The following MYO3A variants were observed in gnomAD, a reference collection of about 807,000 sequenced individuals.
MYO3A encodes the protein myosin-IIIa.
A neutral mutation model predicts 192.7 loss-of-function variants in MYO3A; 180 were observed. The observed-to-expected ratio is 0.93, with a 90% CI of 0.83 to 1.06. The LOEUF is 1.06. Among genes scored for constraint, MYO3A ranks in the 50% least tolerant of loss-of-function variants. The pLI, the probability that MYO3A is intolerant of heterozygous loss-of-function variation, is 0.00. For missense variants in MYO3A, 1,896 were observed against 1,905.0 expected, an observed-to-expected ratio of 1.00 and a Z score of 0.09; for synonymous variants, 628 against 645.3, an observed-to-expected ratio of 0.97 and a Z score of 0.41.
intron 15 of MYO3A, among the ~76,000 whole-genome samples, chr10:26,094,799 G>A (rs1364609431): frequency 1.3e-5 from 2 of 152,158 alleles, no homozygotes; most frequent in Non-Finnish European, 2.9e-5. Context: ...TATACAGGGG[G>A]AGAAGACCCT....
intron 4 of MYO3A, among the ~76,000 whole-genome samples, chr10:25,976,921 G>A (rs1013421297): frequency 2.6e-5 from 4 of 151,848 alleles, no homozygotes; most frequent in South Asian, 2.1e-4. Flanking sequence ...TTTATTATCT[G>A]TTGCCTAATT....
intron 10 of MYO3A, among the ~76,000 whole-genome samples, chr10:26,053,468 C>T (rs1407626250): frequency 6.6e-6 from 1 of 151,878 alleles, no homozygotes; most frequent in African/African-American, 2.4e-5. Context: ...ATTGGAAGAC[C>T]CAGACAATAC....
At chr10:26,210,794 G>A (rs1040553461) in intron 34 of MYO3A, among the ~76,000 whole-genome samples, 1 of 151,944 alleles carries the variant, frequency 6.6e-6, no homozygotes, top group African/African-American at 2.4e-5. Context: ...TCTCCTTGCT[G>A]TTCCTTGAAC....
At chr10:26,131,331 C>A (rs1414407670) in intron 20 of MYO3A, among the ~76,000 whole-genome samples, 1 of 131,300 alleles carries the variant, frequency 7.6e-6, no homozygotes, top group Non-Finnish European at 1.7e-5. Flanking sequence ...AAAAAAAGAT[C>A]AAGAAACTAC....
intron 10 of MYO3A, among the ~76,000 whole-genome samples, chr10:26,064,509 G>A (rs939598187): frequency 2.0e-5 from 3 of 151,994 alleles, no homozygotes; most frequent in East Asian, 3.9e-4. Flanking sequence ...GAGTAATAAT[G>A]GTAAGATCAG....
chr10:26,118,807 T>C (rs1838675944), intron 17 of MYO3A, among the ~76,000 whole-genome samples: 1 of 151,958 alleles, frequency 6.6e-6, no homozygotes, highest in Non-Finnish European at 1.5e-5. Flanking sequence ...AATTTTTGTA[T>C]TTTTAGTAGA....
At chr10:26,162,485 C>T (rs997465060) in intron 26 of MYO3A, among the ~76,000 whole-genome samples, 1 of 152,148 alleles carries the variant, frequency 6.6e-6, no homozygotes, top group African/African-American at 2.4e-5. Context: ...TTCCAGTTAA[C>T]ATTTCTTGGA....
intron 6 of MYO3A, among the ~76,000 whole-genome samples, chr10:25,998,696 T>G (rs7905635): frequency 0.022 from 3,369 of 152,156 alleles, 153 homozygotes; most frequent in African/African-American, 0.077. Context: ...TCCCTTCCTC[T>G]AAAAAATAGA....
chr10:26,006,486 A>G (rs1841216098), intron 6 of MYO3A, among the ~76,000 whole-genome samples: 3 of 152,220 alleles, frequency 2.0e-5, no homozygotes, highest in Admixed American at 1.3e-4. Flanking sequence ...ACTGCTAGCA[A>G]GACTAATAAA....
At chr10:26,081,001 G>A (rs1419883154) in intron 14 of MYO3A, among the ~76,000 whole-genome samples, 1 of 152,084 alleles carries the variant, frequency 6.6e-6, no homozygotes, top group African/African-American at 2.4e-5. Context: ...AGCTTTGGTG[G>A]TTTAATGCTC....
intron 2 of MYO3A, among the ~76,000 whole-genome samples, chr10:25,942,293 C>T (rs771660637): frequency 7.2e-5 from 11 of 152,172 alleles, no homozygotes; most frequent in Non-Finnish European, 1.3e-4. Context: ...TGAACCACCG[C>T]GTCCAGCCAA....
chr10:26,110,892 A>T (rs1426062510), intron 17 of MYO3A, among the ~76,000 whole-genome samples: 4 of 140,612 alleles, frequency 2.8e-5, no homozygotes, highest in African/African-American at 2.7e-5. Context: ...TTTTTAAGAG[A>T]TGGGATCTCT....
At chr10:26,153,726 C>T in intron 23 of MYO3A, 124 bp from the exon 24 acceptor site, 3 of 637,566 alleles carry the variant, frequency 4.7e-6, no homozygotes, top group Admixed American at 2.9e-5. Context: ...AATAGTTAAC[C>T]AAGCATATGA....
At chr10:26,078,608 A>C (rs1445591350) in intron 14 of MYO3A, among the ~76,000 whole-genome samples, 1 of 151,732 alleles carries the variant, frequency 6.6e-6, no homozygotes, top group African/African-American at 2.4e-5. Context: ...TTAGAATGTC[A>C]GTTTGTGTTC....
At chr10:26,082,941 T>C (rs184596263) in intron 14 of MYO3A, among the ~76,000 whole-genome samples, 28 of 152,352 alleles carry the variant, frequency 1.8e-4, no homozygotes, top group Admixed American at 1.6e-3. Flanking sequence ...GTACTGATCA[T>C]GCACTGTGAC....
At chr10:25,985,943 T>G (rs1839625714) in intron 4 of MYO3A, among the ~76,000 whole-genome samples, 1 of 152,128 alleles carries the variant, frequency 6.6e-6, no homozygotes, top group Non-Finnish European at 1.5e-5. Flanking sequence ...TGCACATAGA[T>G]GCAAAAATCC....
Position 26,170,499 on chromosome 10 carries a change from G to A in MYO3A, c.3358G>A (p.Asp1120Asn). 6.2e-7 allele frequency: 1 copy of A among 1,613,038 alleles called. No individual in the cohort carries two copies. Among genetic ancestry groups the A allele is most frequent in the Admixed American group, 1.7e-5 (1 of 59,988 alleles). ...NTAVTTIQTS[D>N]QEFDYKKNFE... ...AGCAGTAACAACCATTCAAACTTCTGATCAGGAATTCGACTACAAGAAAAA... is the reference window on the plus strand; with the variant it reads ...AGCAGTAACAACCATTCAAACTTCTAATCAGGAATTCGACTACAAGAAAAA... Residue 1120 changes from aspartate (D) to asparagine (N), a missense_variant, in exon 29 of 35, where the codon GAT becomes AAT. By Grantham distance (23) the Asp-to-Asn change is conservative. Transcript: ENST00000642920.
chr10:26,057,723 G>T (rs780857516), intron 10 of MYO3A, among the ~76,000 whole-genome samples: 5 of 152,190 alleles, frequency 3.3e-5, no homozygotes, highest in Non-Finnish European at 7.3e-5. Context: ...GAAGTCAATG[G>T]CTAATTGGAT....
At chr10:26,078,430 T>C (rs1029299654) in intron 14 of MYO3A, among the ~76,000 whole-genome samples, 7 of 152,070 alleles carry the variant, frequency 4.6e-5, no homozygotes, top group Non-Finnish European at 1.5e-5. Flanking sequence ...CTATCAATTT[T>C]ATTTATCTTT....
Sources: gnomAD v4.1 joint callset for allele counts (sites outside exome capture counted in the v4.1 genomes callset) on GRCh38, gnomAD v4.1.1 for gene constraint, MANE v1.5 for transcripts, NCBI Gene and HGNC (gene_info 2026-07-23, HGNC 2026-07-21) for gene names.